Variants in PRMT8 observed in about 807,000 individuals in gnomAD.
The protein encoded by PRMT8 is protein arginine N-methyltransferase 8.
In PRMT8, 7 loss-of-function variants were observed where a neutral mutation model predicts 47.1. The observed-to-expected ratio is 0.15, with a 90% confidence interval of 0.08 to 0.28. PRMT8 has a LOEUF of 0.28. Ranked by LOEUF, PRMT8 falls within the 10% of genes least tolerant of loss-of-function variation. The pLI, the probability that PRMT8 is intolerant of heterozygous loss-of-function variation, is 1.00. For missense variants in PRMT8, 237 were observed against 505.4 expected (o/e 0.47, Z 5.09); for synonymous variants, 188 against 186.5 (o/e 1.01, Z -0.07).
intron 1 of PRMT8, among the ~76,000 whole-genome samples, chr12:3,528,061 A>AC: frequency 6.6e-6 from 1 of 151,618 alleles, no homozygotes; most frequent in South Asian, 2.1e-4. Context: ...ATCCCCCTCT[A>AC]CCCCTGCCAC....
At chr12:3,421,173 A>G in intron 1 of PRMT8, among the ~76,000 whole-genome samples, 1 of 152,242 alleles carries the variant, frequency 6.6e-6, no homozygotes, top group Non-Finnish European at 1.5e-5. Context: ...GCACATGTCC[A>G]TTCCCATAGA....
chr12:3,495,322 C>G (rs570708268), intron 1 of PRMT8, among the ~76,000 whole-genome samples: 1 of 152,320 alleles, frequency 6.6e-6, no homozygotes, highest in Admixed American at 6.5e-5. Context: ...AGATAAAGCC[C>G]AGTTTCCTTA....
chr12:3,382,651 C>T (rs1160603508), intron 1 of PRMT8, among the ~76,000 whole-genome samples: 1 of 152,022 alleles, frequency 6.6e-6, no homozygotes, highest in African/African-American at 2.4e-5. Context: ...AATATTTTCT[C>T]CTTGTTTGTG....
chr12:3,517,683 C>A (rs1210157410), intron 1 of PRMT8, among the ~76,000 whole-genome samples: 4 of 151,976 alleles, frequency 2.6e-5, no homozygotes, highest in African/African-American at 9.7e-5. Flanking sequence ...ACACAGAAAC[C>A]AGCTGAAAAT....
chr12:3,579,551 C>A (rs570036786), intron 7 of PRMT8, among the ~76,000 whole-genome samples: 2 of 152,212 alleles, frequency 1.3e-5, no homozygotes, highest in East Asian at 3.9e-4. Context: ...TTCTGTCCCA[C>A]GCTGGTCCCT....
chr12:3,452,772 G>A (rs1864933888), intron 1 of PRMT8, among the ~76,000 whole-genome samples: 1 of 152,200 alleles, frequency 6.6e-6, no homozygotes. Context: ...ACCTGGACTG[G>A]GGAACGTTCA....
intron 1 of PRMT8, among the ~76,000 whole-genome samples, chr12:3,496,220 T>A (rs1291722180): frequency 0.044 from 1,821 of 41,742 alleles, 125 homozygotes; most frequent in African/African-American, 0.19. Flanking sequence ...ATATATTTTT[T>A]TTTTTTTTTT....
intron 1 of PRMT8, among the ~76,000 whole-genome samples, chr12:3,406,849 C>G (rs1864377398): frequency 6.6e-6 from 1 of 152,208 alleles, no homozygotes; most frequent in Admixed American, 6.5e-5. Flanking sequence ...TCTGAGACTT[C>G]CAAGCTGTTC....
intron 1 of PRMT8, among the ~76,000 whole-genome samples, chr12:3,386,819 C>T (rs1175085660): frequency 6.6e-6 from 1 of 151,926 alleles, no homozygotes; most frequent in Non-Finnish European, 1.5e-5. Flanking sequence ...AAACGATTCT[C>T]CTGCCTCAGC....
chr12:3,588,433 C>T (rs577350064), intron 8 of PRMT8, among the ~76,000 whole-genome samples: 20 of 152,306 alleles, frequency 1.3e-4, no homozygotes, highest in Admixed American at 9.8e-4. Flanking sequence ...GGTGAGAGGC[C>T]AGTCCCTGCC....
intron 1 of PRMT8, 42 bp downstream of exon 1, chr12:3,491,742 C>A (rs750280739): frequency 6.4e-7 from 1 of 1,572,890 alleles, no homozygotes; most frequent in Non-Finnish European, 8.6e-7. Context: ...GACCCCGCCG[C>A]CCACCCGGAC....
chr12:3,583,802 G>A lies in PRMT8; in HGVS notation c.979+594G>A, dbSNP rs1867117529. On this transcript the variant is annotated intron_variant, in intron 8 of 9. Transcript: ENST00000382622. The surrounding 1 kb of genome is among the most constrained non-coding windows in gnomAD (Gnocchi z 4.7). ...CTGGCAAATGGGGATCCCATGGCCT[G>A]GCCCTGGCCCACTCTCCAGCCTCAT... is the stretch of plus-strand genomic sequence containing the variant. 6.6e-6 allele frequency among the ~76,000 whole-genome samples: 1 copy of A among 152,230 alleles called. No individual in the cohort carries two copies. The highest frequency in any genetic ancestry group is 2.1e-4 in the South Asian group (1 of 4,826).
intron 1 of PRMT8, among the ~76,000 whole-genome samples, chr12:3,485,960 C>T (rs944936098): frequency 6.6e-6 from 1 of 152,162 alleles, no homozygotes; most frequent in African/African-American, 2.4e-5. Context: ...TTTGTTTTAC[C>T]ACCTCCACTC....
intron 2 of PRMT8, among the ~76,000 whole-genome samples, chr12:3,546,831 T>C (rs1219998213): frequency 6.6e-6 from 1 of 152,206 alleles, no homozygotes; most frequent in Non-Finnish European, 1.5e-5. Context: ...CCAGTATAAC[T>C]TTGATTACCG....
At chr12:3,563,999 G>C (rs773965874) in intron 4 of PRMT8, among the ~76,000 whole-genome samples, 2 of 151,188 alleles carry the variant, frequency 1.3e-5, no homozygotes, top group Non-Finnish European at 2.9e-5. Flanking sequence ...CTGAATGTTT[G>C]TGAGGAGTCA....
intron 1 of PRMT8, among the ~76,000 whole-genome samples, chr12:3,540,265 T>C (rs1732033607): frequency 6.6e-6 from 1 of 152,204 alleles, no homozygotes; most frequent in South Asian, 2.1e-4. Context: ...TTCCCTTTAT[T>C]GAATGTTTCC....
rs1186100104 is a variant in PRMT8, at chr12:3,409,288, G to T, written c.48+27846G>T. Among the ~76,000 whole-genome samples the T allele has an allele frequency of 2.0e-5, 3 of 152,142 alleles. No individual in the cohort carries two copies. The highest frequency in any genetic ancestry group is 4.4e-5 in the Non-Finnish European group (3 of 68,022). On this transcript the variant is annotated intron_variant, in intron 1 of 9. Transcript: ENST00000452611. The surrounding 1 kb of genome is among the most constrained non-coding windows in gnomAD (Gnocchi z 4.4). ...CACTGGCCCAGCTTCAGGGAAGAAG[G>T]GGTGCTGTGGAGTTTCGGGTCCAGT...
chr12:3,478,781 A>C (rs568758339), intron 1 of PRMT8, among the ~76,000 whole-genome samples: 2 of 152,344 alleles, frequency 1.3e-5, no homozygotes, highest in South Asian at 4.1e-4. Context: ...GAATCTGAAG[A>C]AATAGAGAGG....
chr12:3,578,739 C>G (rs570811637), intron 7 of PRMT8, among the ~76,000 whole-genome samples: 71 of 152,250 alleles, frequency 4.7e-4, no homozygotes, highest in Middle Eastern at 3.4e-3. Flanking sequence ...TGCTGCTTTG[C>G]CCATGTGAGA....
Sources: allele counts gnomAD v4.1 joint callset (sites outside exome capture counted in the v4.1 genomes callset), GRCh38; gene constraint gnomAD v4.1.1; non-coding constraint Gnocchi (gnomAD v3.1); transcripts MANE v1.5; gene names NCBI Gene and HGNC (gene_info 2026-07-23, HGNC 2026-07-21).